CORO7: variants seen among roughly 807,000 people sequenced by gnomAD.
CORO7 encodes the protein coronin-7.
CORO7 carries 107 observed loss-of-function variants against 126.6 expected under a neutral mutation model. The ratio of observed to expected loss-of-function variants is 0.85; its 90% CI spans 0.72 to 0.99. CORO7 has a LOEUF of 0.99. CORO7 is among the 50% of genes least tolerant of loss of function. CORO7 has a pLI of 0.00. For missense variants in CORO7, 1,314 were observed against 1,255.8 expected, an observed-to-expected ratio of 1.05 and a Z score of -0.70; for synonymous variants, 603 against 536.8, an observed-to-expected ratio of 1.12 and a Z score of -1.70.
intron 9 of CORO7, among the ~76,000 whole-genome samples, chr16:4,377,219 C>T (rs996878723): frequency 1.3e-5 from 2 of 152,154 alleles, no homozygotes; most frequent in Non-Finnish European, 2.9e-5. Flanking sequence ...CTTCCCACCC[C>T]CCGACGTCCC....
chr16:4,364,434 G>A, intron 13 of CORO7, 21 bp from the exon 14 acceptor site: 1 of 1,490,300 alleles, frequency 6.7e-7, no homozygotes, highest in East Asian at 2.3e-5. Context: ...GCCGGCAGTG[G>A]GGAGATGGGG....
chr16:4,366,151 G>C (rs969412416), intron 9 of CORO7, among the ~76,000 whole-genome samples: 12 of 152,222 alleles, frequency 7.9e-5, no homozygotes, highest in African/African-American at 2.2e-4. Flanking sequence ...GTGCCCGGGA[G>C]AAGGGGCTCC....
intron 9 of CORO7, chr16:4,380,861 G>A (rs773342526): frequency 6.7e-7 from 1 of 1,488,916 alleles, no homozygotes; most frequent in Non-Finnish European, 8.9e-7. Context: ...CCTCCTCTCT[G>A]CTCCCAGGGA....
At chr16:4,375,873 C>G (rs527750218) in intron 9 of CORO7, among the ~76,000 whole-genome samples, 13 of 152,312 alleles carry the variant, frequency 8.5e-5, no homozygotes, top group African/African-American at 3.1e-4. Context: ...TGATGTGCAG[C>G]CCGGCGGGCA....
intron 3 of CORO7, among the ~76,000 whole-genome samples, chr16:4,412,105 C>G (rs1309506127): frequency 6.6e-6 from 1 of 152,042 alleles, no homozygotes; most frequent in East Asian, 1.9e-4. Flanking sequence ...GAGCCTGGGG[C>G]GGCCACTGCA....
In CORO7 at chr16:4,411,559, A is replaced by T. The variant is rs75906547; in HGVS notation, c.232+797T>A. Among the ~76,000 whole-genome samples the T allele has an allele frequency of 6.2e-3, 948 of 152,274 alleles. 6 individuals are homozygous for T. Among genetic ancestry groups the T allele is most frequent in the Middle Eastern group, 0.017 (5 of 294 alleles). On this transcript the variant is annotated intron_variant, in intron 3 of 27. Transcript: ENST00000251166. The stretch of plus-strand genomic sequence containing the variant: ...TCTATATACTTTTTAAAAATTTTTT[A>T]AAAAAGTTTAGATGAGAAAACTCAG...
In CORO7 at chr16:4,364,333, G is replaced by A; in HGVS notation, c.1218C>T (p.Leu406=). 1 of 1,538,474 alleles carries A rather than the reference G, an allele frequency of 6.5e-7. No individual in the cohort carries two copies. The highest frequency in any genetic ancestry group is 8.7e-7 in the Non-Finnish European group (1 of 1,146,512). The change falls in exon 14 of 28, where the codon CTC becomes CTT. Residue 406 remains leucine (L), a synonymous_variant. Transcript: ENST00000251166. ...TCACCGCAGGCTGGGCTGTGTCAGG[G>A]AGGGGCTCCGCAGGGGGCACCAGAC... The part of the protein sequence containing the change: ...TSCLVPPAEP[L]PDTAQPAVME...
chr16:4,376,893 C>T (rs79826115), intron 9 of CORO7, among the ~76,000 whole-genome samples: 1 of 152,328 alleles, frequency 6.6e-6, no homozygotes, highest in Non-Finnish European at 1.5e-5. Context: ...GGCCTGAAAC[C>T]CTCTCCCTTA....
rs368151656 is a variant in CORO7, at chr16:4,416,528, C to G, written c.-10G>C. The G allele has an allele frequency of 1.9e-6, 3 of 1,572,498 alleles. No homozygotes were observed. Among genetic ancestry groups the G allele is most frequent in the East Asian group, 2.6e-5 (1 of 39,080 alleles). ...CCCTGAAGCGGTTCATGGCGACGGG[C>G]ACGGCGGCGGACGCGTCTTCGAGGA... is the stretch of plus-strand genomic sequence containing the variant. On this transcript the variant is annotated 5_prime_UTR_variant, in exon 1 of 28. Coordinates refer to ENST00000251166, the MANE Select transcript of CORO7 (RefSeq NM_024535.5).
Position 4,357,253 on chromosome 16 carries a change from T to G in CORO7, c.2600A>C (p.Gln867Pro). The change falls in exon 26 of 28, where the codon CAA becomes CCA. Residue 867 changes from glutamine to proline, a missense_variant. Physicochemically the swap from Gln to Pro is moderately conservative, Grantham distance 76. Coordinates refer to ENST00000251166, the MANE Select transcript of CORO7 (RefSeq NM_024535.5). The stretch of plus-strand genomic sequence containing the variant: ...ACGAGCAGGGGCCTCTCGGGGGGCT[T>G]GGCTCACTGGGACAGAGCAAGGACA... Reference protein sequence around the residue: ...LQPPDMSPVSQAPREAPARRA... With the variant: ...LQPPDMSPVSPAPREAPARRA... The G allele has an allele frequency of 6.2e-7, 1 of 1,613,072 alleles. No individual in the cohort carries two copies. Among genetic ancestry groups the G allele is most frequent in the Non-Finnish European group, 8.5e-7 (1 of 1,179,672 alleles).
At chr16:4,371,709 A>C (rs1489484996) in intron 9 of CORO7, 1 of 152,100 alleles carries the variant, frequency 6.6e-6, no homozygotes, top group Admixed American at 6.5e-5. Context: ...GGCCAGGGCA[A>C]CCCGGCCCAC....
intron 1 of CORO7, 136 bp from the exon 2 acceptor site, chr16:4,413,540 C>A: frequency 1.3e-6 from 1 of 752,142 alleles, no homozygotes; most frequent in South Asian, 2.1e-5. Flanking sequence ...CTTTTATTTA[C>A]TTTTTTTTTC....
rs1365556086 is a variant in CORO7 at position 4,364,897 on chromosome 16, C to T, written c.922G>A (p.Val308Met). The T allele has an allele frequency of 1.1e-5, 17 of 1,611,172 alleles. No homozygotes were observed. The highest frequency in any genetic ancestry group is 8.9e-5 in the East Asian group (4 of 44,832). The change falls in exon 12 of 28, where the codon GTG becomes ATG. Residue 308 changes from valine to methionine, a missense_variant. Val to Met is a conservative substitution (Grantham distance 21). Transcript: ENST00000251166. ...SPVTQCVLES[V>M]LRGAALVPRQ... ...GGCACAAGGGCAGCCCCACGCAGCA[C>T]GCTCTCCAGGACACACTGGGTCACT...
rs759266005 is a variant in CORO7, at chr16:4,360,593, G to T, written c.1918-45C>A. On this transcript the variant is annotated intron_variant, in intron 19 of 27. Transcript: ENST00000251166. ...TGAGAGACAGCCTTGCTTCACTGCT[G>T]GCCCCACCTCTCCCCACTGCTCCTG... is the stretch of plus-strand genomic sequence containing the variant. 1.2e-5 allele frequency: 19 copies of T among 1,550,592 alleles called. No homozygotes were observed. The South Asian group carries it at 2.1e-4, about 17-fold the overall frequency.
rs571796626 is a variant in CORO7 at position 4,407,488 on chromosome 16, G to A, written c.487+13C>T. 1 of 1,560,680 alleles carries A rather than the reference G, an allele frequency of 6.4e-7. No individual in the cohort carries two copies. Among genetic ancestry groups the A allele is most frequent in the Non-Finnish European group, 8.7e-7 (1 of 1,152,342 alleles). ...GGGCTGCCCTGGGAAGGGCAGGCCA[G>A]GGTGGCCTGTACCTGTCAGGGGCTG... On this transcript the variant is annotated intron_variant, in intron 5 of 27. Transcript: ENST00000251166.
At chr16:4,400,752 G>A (rs1034282529) in intron 6 of CORO7, among the ~76,000 whole-genome samples, 7 of 151,020 alleles carry the variant, frequency 4.6e-5, no homozygotes, top group South Asian at 2.1e-4. Context: ...CCCAGAAGGC[G>A]GAGATTGCAG....
At chr16:4,361,304 C>A in intron 17 of CORO7, 56 bp from the exon 18 acceptor site, 1 of 1,610,510 alleles carries the variant, frequency 6.2e-7, no homozygotes, top group Non-Finnish European at 8.5e-7. Flanking sequence ...CTGGGCTCCC[C>A]AGCCCCTATC....
At position 4,361,481 on chromosome 16, in the gene CORO7, GC is replaced by G. The variant is rs2054178643; in HGVS notation, c.1579-13del. ...CCAGGCTTCCGTAGCTGTGGGAGGT[GC>G]CCCCACCCCGAGGCCCATCAGTACC... On this transcript the variant is annotated splice_polypyrimidine_tract_variant and intron_variant, in intron 16 of 27. Transcript: ENST00000251166. 6.2e-7 allele frequency: 1 copy of G among 1,610,326 alleles called. No individual in the cohort carries two copies. The highest frequency in any genetic ancestry group is 8.5e-7 in the Non-Finnish European group (1 of 1,179,438).
At chr16:4,406,622 T>G (rs191837893) in intron 5 of CORO7, among the ~76,000 whole-genome samples, 431 of 151,268 alleles carry the variant, frequency 2.8e-3, no homozygotes, top group African/African-American at 9.9e-3. Context: ...TTTTGGTTTT[T>G]TTGTTTTTTG....
Sources: gnomAD v4.1 joint callset for allele counts (sites outside exome capture counted in the v4.1 genomes callset) on GRCh38, gnomAD v4.1.1 for gene constraint, MANE v1.5 for transcripts, NCBI Gene and HGNC (gene_info 2026-07-23, HGNC 2026-07-21) for gene names.